Variants in TRHDE observed in about 807,000 individuals in gnomAD.
TRHDE encodes the protein thyrotropin-releasing hormone-degrading ectoenzyme.
TRHDE carries 72 observed loss-of-function variants against 125.7 expected under a neutral mutation model. The observed-to-expected ratio is 0.57, with a 90% CI of 0.47 to 0.70. The LOEUF (loss-of-function observed/expected upper bound fraction) is 0.70. Among genes scored for constraint, TRHDE ranks in the 30% least tolerant of loss-of-function variants. The pLI is 0.00. For synonymous variants in TRHDE, 509 were observed against 509.1 expected, an observed-to-expected ratio of 1.00 and a Z score of 0.00; for missense variants, 1,110 against 1,327.1, an observed-to-expected ratio of 0.84 and a Z score of 2.54.
intron 15 of TRHDE, among the ~76,000 whole-genome samples, chr12:72,648,876 T>G (rs1445169899): frequency 1.3e-5 from 2 of 151,942 alleles, no homozygotes; most frequent in Non-Finnish European, 2.9e-5. Context: ...CTAAAATCCA[T>G]AAAACATTGA....
chr12:72,659,017 A>G (rs183717595), intron 18 of TRHDE, among the ~76,000 whole-genome samples: 1 of 152,322 alleles, frequency 6.6e-6, no homozygotes, highest in Non-Finnish European at 1.5e-5. Context: ...CATAACCCAT[A>G]AGCCTCATAA....
intron 1 of TRHDE, among the ~76,000 whole-genome samples, chr12:72,087,713 G>C (rs943422975): frequency 6.6e-6 from 1 of 152,098 alleles, no homozygotes; most frequent in African/African-American, 2.4e-5. Flanking sequence ...ATTGATTAGA[G>C]TGATGAAGGC....
intron 5 of TRHDE, among the ~76,000 whole-genome samples, chr12:72,488,372 G>A (rs1177915883): frequency 6.6e-6 from 1 of 151,928 alleles, no homozygotes; most frequent in Non-Finnish European, 1.5e-5. Context: ...ACTTATATCT[G>A]ATAAAATAGA....
intron 6 of TRHDE, among the ~76,000 whole-genome samples, chr12:72,524,136 A>G (rs939701211): frequency 3.3e-5 from 5 of 152,160 alleles, no homozygotes; most frequent in Non-Finnish European, 5.9e-5. Flanking sequence ...TCAATGATAT[A>G]CATGAAGAGG....
At chr12:72,211,118 T>G (rs1202074196) in intron 2 of TRHDE, among the ~76,000 whole-genome samples, 1 of 152,180 alleles carries the variant, frequency 6.6e-6, no homozygotes, top group African/African-American at 2.4e-5. Flanking sequence ...AGGAACCCTC[T>G]GTCTTTTTTC....
At chr12:72,601,290 A>G (rs1038476765) in intron 12 of TRHDE, among the ~76,000 whole-genome samples, 1 of 152,178 alleles carries the variant, frequency 6.6e-6, no homozygotes, top group African/African-American at 2.4e-5. Context: ...ATGTTGCTCA[A>G]TTGCTACAAT....
At chr12:72,175,415 A>G (rs777883243) in intron 2 of TRHDE, among the ~76,000 whole-genome samples, 7 of 152,234 alleles carry the variant, frequency 4.6e-5, no homozygotes, top group Non-Finnish European at 8.8e-5. Context: ...GACAGCATCA[A>G]GTAAATCTCT....
chr12:72,244,345 T>G (rs1374597096), intron 2 of TRHDE, among the ~76,000 whole-genome samples: 1 of 152,168 alleles, frequency 6.6e-6, no homozygotes, highest in African/African-American at 2.4e-5. Flanking sequence ...TTGTAAATTA[T>G]GCATTTAACA....
chr12:72,381,451 A>C (rs377372867), intron 3 of TRHDE, among the ~76,000 whole-genome samples: 6 of 146,952 alleles, frequency 4.1e-5, no homozygotes, highest in Non-Finnish European at 8.9e-5. Context: ...GCTGGAGTGC[A>C]GTGGCGGGAT....
intron 2 of TRHDE, among the ~76,000 whole-genome samples, chr12:72,148,520 A>G (rs1876280225): frequency 6.6e-6 from 1 of 152,226 alleles, no homozygotes; most frequent in Non-Finnish European, 1.5e-5. Flanking sequence ...AAAGATGTAG[A>G]CAGACTATAA....
At chr12:72,540,573 A>C (rs1869095806) in intron 6 of TRHDE, among the ~76,000 whole-genome samples, 1 of 151,708 alleles carries the variant, frequency 6.6e-6, no homozygotes, top group African/African-American at 2.4e-5. Context: ...TTAGATACTA[A>C]GTCTCAATTC....
intron 2 of TRHDE, among the ~76,000 whole-genome samples, chr12:72,179,618 G>A (rs1396946439): frequency 3.3e-5 from 5 of 152,014 alleles, no homozygotes; most frequent in Admixed American, 3.3e-4. Flanking sequence ...CTCTCAGTGA[G>A]ATACCTTCTC....
intron 1 of TRHDE, among the ~76,000 whole-genome samples, chr12:72,279,552 T>C (rs1879618540): frequency 6.6e-6 from 1 of 152,238 alleles, no homozygotes; most frequent in Non-Finnish European, 1.5e-5. Flanking sequence ...AGATAGAATT[T>C]TACTAGGCAG....
intron 2 of TRHDE, among the ~76,000 whole-genome samples, chr12:72,203,463 G>A (rs952824816): frequency 6.6e-6 from 1 of 151,758 alleles, no homozygotes; most frequent in Admixed American, 6.6e-5. Context: ...GCGAGACTCT[G>A]TCTCAAAAAA....
chr12:72,089,687 C>G (rs1874747648), intron 1 of TRHDE, among the ~76,000 whole-genome samples: 1 of 152,160 alleles, frequency 6.6e-6, no homozygotes, highest in Admixed American at 6.5e-5. Flanking sequence ...TCTCCACCTT[C>G]CCACCCATTG....
At position 72,469,923 on chromosome 12, in the gene TRHDE, A is replaced by T; in HGVS notation, c.1470+11A>T. ...GAGATATGTCACCAGGTATGAGAAAAAGAATCAGGTGTAAGTATAATGTGA... is the reference window on the plus strand; with the variant it reads ...GAGATATGTCACCAGGTATGAGAAATAGAATCAGGTGTAAGTATAATGTGA... On this transcript the variant is annotated intron_variant, in intron 4 of 18. Transcript: ENST00000261180. 6.2e-7 allele frequency: 1 copy of T among 1,613,108 alleles called. No homozygotes were observed. Among genetic ancestry groups the T allele is most frequent in the Non-Finnish European group, 8.5e-7 (1 of 1,179,588 alleles).
intron 3 of TRHDE, among the ~76,000 whole-genome samples, chr12:72,440,359 A>G (rs962399435): frequency 6.6e-6 from 1 of 151,886 alleles, no homozygotes; most frequent in Non-Finnish European, 1.5e-5. Flanking sequence ...TCATTAGGTC[A>G]TAGGCTTTTC....
intron 2 of TRHDE, among the ~76,000 whole-genome samples, chr12:72,154,747 T>A (rs1267994945): frequency 2.0e-5 from 3 of 152,246 alleles, no homozygotes; most frequent in Non-Finnish European, 4.4e-5. Flanking sequence ...CTTGTAGAGT[T>A]TCTTCTGAGA....
intron 2 of TRHDE, among the ~76,000 whole-genome samples, chr12:72,295,219 G>A (rs1430632271): frequency 6.6e-6 from 1 of 151,922 alleles, no homozygotes; most frequent in Admixed American, 6.6e-5. Flanking sequence ...TGGGTCTTCA[G>A]CGTGGTTTGG....
Sources: gnomAD v4.1 joint callset for allele counts (sites outside exome capture counted in the v4.1 genomes callset) on GRCh38, gnomAD v4.1.1 for gene constraint, MANE v1.5 for transcripts, NCBI Gene and HGNC (gene_info 2026-07-23, HGNC 2026-07-21) for gene names.